The following ANTXR1 variants were observed in gnomAD, a reference collection of about 807,000 sequenced individuals.
ANTXR1 encodes anthrax toxin receptor 1.
A neutral mutation model predicts 78.1 loss-of-function variants in ANTXR1; 19 were observed. That is an observed-to-expected ratio of 0.24 (90% CI 0.17 to 0.36). ANTXR1 has a LOEUF of 0.36. Among genes scored for constraint, ANTXR1 ranks in the 10% least tolerant of loss-of-function variants. ANTXR1 has a pLI of 1.00. For missense variants in ANTXR1, 518 were observed against 718.6 expected, an observed-to-expected ratio of 0.72 and a Z score of 3.19; for synonymous variants, 273 against 260.5, an observed-to-expected ratio of 1.05 and a Z score of -0.46.
chr2:69,238,472 A>T (rs1322268750), intron 17 of ANTXR1, among the ~76,000 whole-genome samples: 1 of 152,212 alleles, frequency 6.6e-6, no homozygotes, highest in Non-Finnish European at 1.5e-5. Flanking sequence ...GCTAACTATT[A>T]AGTCATCCAA....
At chr2:69,147,844 G>C (rs749440466) in intron 12 of ANTXR1, among the ~76,000 whole-genome samples, 3 of 152,196 alleles carry the variant, frequency 2.0e-5, no homozygotes, top group African/African-American at 7.2e-5. Flanking sequence ...GGGGGTAACA[G>C]TTCCTACAAG....
intron 13 of ANTXR1, among the ~76,000 whole-genome samples, chr2:69,165,457 T>G (rs1339335182): frequency 1.3e-5 from 2 of 152,252 alleles, no homozygotes; most frequent in Non-Finnish European, 2.9e-5. Flanking sequence ...GATGAGCATT[T>G]GTCAACAATG....
intron 2 of ANTXR1, 66 bp downstream of exon 2, chr2:69,040,181 G>A: frequency 7.0e-7 from 1 of 1,420,514 alleles, no homozygotes; most frequent in Middle Eastern, 1.8e-4. Context: ...GTCCATGTTT[G>A]CTATTCTATT....
chr2:69,187,393 A>G (rs997641139), intron 16 of ANTXR1, among the ~76,000 whole-genome samples: 3 of 151,986 alleles, frequency 2.0e-5, no homozygotes, highest in African/African-American at 7.3e-5. Context: ...ATGCCCAGCT[A>G]TATGGGCAAA....
chr2:69,053,241 T>C (rs570154518), intron 3 of ANTXR1, among the ~76,000 whole-genome samples: 12 of 152,238 alleles, frequency 7.9e-5, no homozygotes, highest in African/African-American at 2.6e-4. Flanking sequence ...TCATGCAAGA[T>C]CCTTGTTGAA....
At chr2:69,204,601 T>C in intron 17 of ANTXR1, among the ~76,000 whole-genome samples, 1 of 152,152 alleles carries the variant, frequency 6.6e-6, no homozygotes, top group Non-Finnish European at 1.5e-5. Flanking sequence ...ACAAAGAGTG[T>C]TGGTGGAAAT....
At chr2:69,110,634 G>A (rs893397990) in intron 10 of ANTXR1, among the ~76,000 whole-genome samples, 11 of 152,098 alleles carry the variant, frequency 7.2e-5, no homozygotes, top group East Asian at 3.8e-4. Flanking sequence ...GGAGGCGGGC[G>A]GATCACAAGG....
chr2:69,137,292 T>C (rs1046681294), intron 12 of ANTXR1, among the ~76,000 whole-genome samples: 2 of 152,186 alleles, frequency 1.3e-5, no homozygotes, highest in African/African-American at 4.8e-5. Context: ...AATTTGACAG[T>C]CTAAGCTTCT....
intron 17 of ANTXR1, 141 bp from the exon 18 acceptor site, chr2:69,245,084 A>G: frequency 2.1e-6 from 2 of 938,562 alleles, no homozygotes; most frequent in South Asian, 1.3e-5. Flanking sequence ...CTTGTCCTCA[A>G]GTTCTACTAT....
intron 17 of ANTXR1, 126 bp from the exon 18 acceptor site, chr2:69,245,099 C>T: frequency 9.5e-7 from 1 of 1,049,816 alleles, no homozygotes; most frequent in South Asian, 1.3e-5. Flanking sequence ...TACTATGTGC[C>T]ACTAGAGAGT....
chr2:69,241,687 A>G (rs1675897972), intron 17 of ANTXR1, among the ~76,000 whole-genome samples: 1 of 152,158 alleles, frequency 6.6e-6, no homozygotes. Flanking sequence ...GATGTGGAGT[A>G]TAGAAGCTCT....
intron 10 of ANTXR1, among the ~76,000 whole-genome samples, chr2:69,114,254 A>G (rs1393280961): frequency 6.6e-6 from 1 of 152,210 alleles, no homozygotes; most frequent in African/African-American, 2.4e-5. Context: ...TTATACTAAT[A>G]TGTATTACTT....
At chr2:69,109,296 T>C (rs559030580) in intron 10 of ANTXR1, among the ~76,000 whole-genome samples, 191 of 152,328 alleles carry the variant, frequency 1.3e-3, no homozygotes, top group African/African-American at 4.5e-3. Context: ...TGTAAAGATA[T>C]CAATTGTCTT....
chr2:69,066,725 C>A (rs1670410133), intron 3 of ANTXR1, among the ~76,000 whole-genome samples: 1 of 152,172 alleles, frequency 6.6e-6, no homozygotes, highest in Admixed American at 6.5e-5. Flanking sequence ...TGCACCCAAA[C>A]TGGAATCATT....
intron 10 of ANTXR1, among the ~76,000 whole-genome samples, chr2:69,116,056 G>C (rs1672134763): frequency 6.6e-6 from 1 of 152,146 alleles, no homozygotes; most frequent in Non-Finnish European, 1.5e-5. Flanking sequence ...CTCAACCACT[G>C]TTCAGCCTGT....
intron 2 of ANTXR1, among the ~76,000 whole-genome samples, chr2:69,043,268 T>C (rs1234860994): frequency 2.6e-5 from 4 of 152,140 alleles, no homozygotes; most frequent in African/African-American, 4.8e-5. Context: ...TTTCCTTTTG[T>C]GGAAAATAGG....
chr2:69,034,973 G>A (rs1027904976), intron 1 of ANTXR1, among the ~76,000 whole-genome samples: 4 of 152,280 alleles, frequency 2.6e-5, no homozygotes, highest in African/African-American at 9.6e-5. Flanking sequence ...TAGGTCTTCA[G>A]GATTGAGAGG....
At chr2:69,064,896 A>T (rs1670349899) in intron 3 of ANTXR1, among the ~76,000 whole-genome samples, 2 of 152,226 alleles carry the variant, frequency 1.3e-5, no homozygotes, top group Admixed American at 1.3e-4. Context: ...GCCTAGGGTA[A>T]ATGTATAGCT....
At chr2:69,169,027 G>A (rs189574997) in intron 13 of ANTXR1, among the ~76,000 whole-genome samples, 4 of 152,360 alleles carry the variant, frequency 2.6e-5, no homozygotes, top group African/African-American at 9.6e-5. Flanking sequence ...TAATGGTAGG[G>A]TGGGTAACAG....
Sources: gnomAD v4.1 joint callset for allele counts (sites outside exome capture counted in the v4.1 genomes callset) on GRCh38, gnomAD v4.1.1 for gene constraint, MANE v1.5 for transcripts, NCBI Gene and HGNC (gene_info 2026-07-23, HGNC 2026-07-21) for gene names.